USP34: variants seen among roughly 807,000 people sequenced by gnomAD.
USP34 encodes ubiquitin specific peptidase 34, also known as ubiquitin carboxyl-terminal hydrolase 34.
A neutral mutation model predicts 460.3 loss-of-function variants in USP34; 70 were observed. The ratio of observed to expected loss-of-function variants is 0.15; its 90% CI spans 0.13 to 0.19. The LOEUF (loss-of-function observed/expected upper bound fraction) is 0.19. Among genes scored for constraint, USP34 ranks in the 10% least tolerant of loss-of-function variants. USP34 has a pLI of 1.00. For missense variants in USP34, 3,985 were observed against 4,236.2 expected (o/e 0.94, Z 1.65); for synonymous variants, 1,647 against 1,405.3 (o/e 1.17, Z -3.85).
intron 48 of USP34, among the ~76,000 whole-genome samples, chr2:61,253,013 T>C (rs1156793115): frequency 2.0e-5 from 3 of 152,194 alleles, no homozygotes; most frequent in African/African-American, 7.2e-5. Context: ...AAAATTGGTA[T>C]TATGGTGATT....
At chr2:61,349,802 C>A (rs369080660) in intron 12 of USP34, among the ~76,000 whole-genome samples, 4 of 152,122 alleles carry the variant, frequency 2.6e-5, no homozygotes, top group African/African-American at 9.6e-5. Context: ...GATAGCACCA[C>A]TGCACTCCAG....
chr2:61,388,085 G>A (rs1400459590), intron 5 of USP34, among the ~76,000 whole-genome samples: 1 of 151,906 alleles, frequency 6.6e-6, no homozygotes, highest in African/African-American at 2.4e-5. Context: ...GGACAATATG[G>A]CAAAACCCCA....
intron 10 of USP34, 148 bp downstream of exon 10, chr2:61,370,173 A>G (rs1468445196): frequency 1.4e-6 from 1 of 709,706 alleles, no homozygotes; most frequent in Non-Finnish European, 2.3e-6. Flanking sequence ...ATAGTAAGAC[A>G]TGGACTCGGA....
In USP34 at chr2:61,241,836, A is replaced by T; in HGVS notation, c.6628-17T>A. 2.1e-6 allele frequency: 3 copies of T among 1,440,488 alleles called. No individual in the cohort carries two copies. Among genetic ancestry groups the T allele is most frequent in the Non-Finnish European group, 2.8e-6 (3 of 1,067,846 alleles). 89.2% of individuals were successfully genotyped at this position (1,440,488 alleles called of 1,614,324 possible). A position where few individuals can be genotyped will look rare whatever the true frequency, so the allele number is the denominator to read the frequency against. ...GGTCTTGGTCTGTTTAAAAATACAA[A>T]AGTTTTACTTCTTTGAAAAAATGGG... is the stretch of plus-strand genomic sequence containing the variant. On this transcript the variant is annotated splice_polypyrimidine_tract_variant and intron_variant, in intron 51 of 79. Transcript: ENST00000398571.
In USP34 at chr2:61,295,002, C is replaced by T; in HGVS notation, c.4408G>A (p.Asp1470Asn). 1 of 1,613,018 alleles carries T rather than the reference C, an allele frequency of 6.2e-7. No individual in the cohort carries two copies. The highest frequency in any genetic ancestry group is 1.7e-4 in the Middle Eastern group (1 of 6,058). ...TCCACTTGATCTTCACTTGAATCAT[C>T]TGAATCTGGATAAAGATCACTGTAA... ...GSYSDLYPDS[D>N]DSSEDQVENS... is the part of the protein sequence containing the mutation. Residue 1470 changes from aspartate (D) to asparagine (N), a missense_variant, in exon 32 of 80, where the codon GAT becomes AAT. Around this residue, in one of 14 missense-constraint regions of USP34, gnomAD observed 1,114 missense variants for 1,122.5 expected, o/e 0.99. Transcript: ENST00000398571.
At chr2:61,405,497 A>C (rs1323134232) in intron 3 of USP34, among the ~76,000 whole-genome samples, 1 of 152,180 alleles carries the variant, frequency 6.6e-6, no homozygotes, top group Non-Finnish European at 1.5e-5. Flanking sequence ...TCTGAGTTCA[A>C]TGTATAGATC....
chr2:61,302,019 G>C (rs1226483899), intron 27 of USP34, among the ~76,000 whole-genome samples: 1 of 152,166 alleles, frequency 6.6e-6, no homozygotes, highest in Non-Finnish European at 1.5e-5. Flanking sequence ...AGGAAAGGAA[G>C]ACTGACAAAT....
intron 18 of USP34, 22 bp downstream of exon 18, chr2:61,339,329 A>C (rs771755602): frequency 3.8e-6 from 6 of 1,597,132 alleles, no homozygotes; most frequent in South Asian, 1.2e-5. Context: ...ACTGCATTAA[A>C]AATTTTTAAA....
At chr2:61,443,687 T>C (rs1429741704) in intron 1 of USP34, among the ~76,000 whole-genome samples, 1 of 152,152 alleles carries the variant, frequency 6.6e-6, no homozygotes, top group Non-Finnish European at 1.5e-5. Flanking sequence ...AAGGAATGAA[T>C]GGGTAGGGCA....
intron 1 of USP34, among the ~76,000 whole-genome samples, chr2:61,439,150 G>A (rs532188412): frequency 5.9e-5 from 9 of 152,282 alleles, no homozygotes; most frequent in East Asian, 1.9e-4. Flanking sequence ...GGTGGCTCAC[G>A]CCTGTAATCC....
chr2:61,277,377 C>T (rs1307782279), intron 41 of USP34, among the ~76,000 whole-genome samples: 2 of 151,896 alleles, frequency 1.3e-5, no homozygotes, highest in Non-Finnish European at 2.9e-5. Flanking sequence ...GCTGAGACTA[C>T]AGGTGTGTGC....
At position 61,386,031 on chromosome 2, in the gene USP34, G is replaced by A. The variant is rs536256685; in HGVS notation, c.754-2695C>T. ...AAAAAAAAAGAAATATGACAGGGAG[G>A]TAGTACTTGCTTTCCCAGAGAGCAA... On this transcript the variant is annotated intron_variant, in intron 5 of 79. Coordinates refer to ENST00000398571, the MANE Select transcript of USP34 (RefSeq NM_014709.4). 3.3e-5 allele frequency among the ~76,000 whole-genome samples: 5 copies of A among 151,902 alleles called. No individual in the cohort carries two copies. In the South Asian group the frequency reaches 1.0e-3, roughly 32 times the overall value.
At chr2:61,294,669 T>A (rs1472271718) in intron 32 of USP34, among the ~76,000 whole-genome samples, 4 of 152,104 alleles carry the variant, frequency 2.6e-5, no homozygotes, top group African/African-American at 4.8e-5. Flanking sequence ...GATCCATCCG[T>A]CTCAGCCTCC....
chr2:61,349,891 G>A (rs550215340), intron 12 of USP34, among the ~76,000 whole-genome samples: 1 of 151,852 alleles, frequency 6.6e-6, no homozygotes, highest in African/African-American at 2.4e-5. Flanking sequence ...CAAAGCACCT[G>A]ACATGGCAGA....
intron 10 of USP34, among the ~76,000 whole-genome samples, chr2:61,365,256 TACACACACACACACACACAC>T (rs34689463): frequency 7.0e-6 from 1 of 142,346 alleles, no homozygotes; most frequent in Non-Finnish European, 1.5e-5. Context: ...CATTTCAAAA[TACACACACACACACACACAC>T]ACACACACAC....
In USP34 at chr2:61,325,428, C is replaced by A; in HGVS notation, c.2960G>T (p.Arg987Leu). ...AAATACACAAGTCAAGAATTGAAGA[C>A]GAACTTGAACTTCAGCACTATGGCT... ...LYSHSAEVQV[R>L]LQFLTCVFST... is the part of the protein sequence containing the mutation. Residue 987 changes from arginine to leucine, a missense_variant, in exon 21 of 80, where the codon CGT (arginine) becomes CTT (leucine). By Grantham distance (102) the Arg-to-Leu change is moderately radical. Transcript: ENST00000398571. The A allele has an allele frequency of 6.5e-7, 1 of 1,550,106 alleles. No individual in the cohort carries two copies. The highest frequency in any genetic ancestry group is 8.6e-7 in the Non-Finnish European group (1 of 1,157,938).
intron 7 of USP34, among the ~76,000 whole-genome samples, chr2:61,379,462 G>GT (rs1692907959): frequency 6.6e-6 from 1 of 152,184 alleles, no homozygotes; most frequent in African/African-American, 2.4e-5. Flanking sequence ...GGAGGTTGCA[G>GT]TAAGCCGAGA....
At chr2:61,451,897 C>T (rs1326286051) in intron 1 of USP34, among the ~76,000 whole-genome samples, 9 of 151,790 alleles carry the variant, frequency 5.9e-5, no homozygotes, top group South Asian at 2.1e-4. Flanking sequence ...AATTGAAAGC[C>T]GGGCGCAGTG....
intron 8 of USP34, among the ~76,000 whole-genome samples, chr2:61,373,076 CAT>C (rs1692680086): frequency 6.6e-6 from 1 of 151,950 alleles, no homozygotes; most frequent in Non-Finnish European, 1.5e-5. Context: ...ACGTAGGAGC[CAT>C]GTTTTTTATC....
Sources: gnomAD v4.1 joint callset for allele counts (sites outside exome capture counted in the v4.1 genomes callset) on GRCh38, gnomAD v4.1.1 for gene constraint, gnomAD v4.1.1 regional missense constraint, MANE v1.5 for transcripts, NCBI Gene and HGNC (gene_info 2026-07-23, HGNC 2026-07-21) for gene names.